The following WSB2 variants were observed in gnomAD, a reference collection of about 807,000 sequenced individuals.
WSB2 encodes the protein WD repeat and SOCS box containing 2, also known as WD repeat and SOCS box-containing protein 2.
WSB2 carries 12 observed loss-of-function variants against 48.8 expected under a neutral mutation model. That is an observed-to-expected ratio of 0.25 (90% CI 0.16 to 0.40). The LOEUF (loss-of-function observed/expected upper bound fraction) is 0.40. Ranked by LOEUF, WSB2 falls within the 10% of genes least tolerant of loss-of-function variation. The pLI, the probability that WSB2 is intolerant of heterozygous loss-of-function variation, is 1.00. For missense variants in WSB2, 317 were observed against 506.2 expected, an observed-to-expected ratio of 0.63 and a Z score of 3.59; for synonymous variants, 191 against 203.1, an observed-to-expected ratio of 0.94 and a Z score of 0.51.
chr12:118,045,002 G>A (rs1309099327), intron 2 of WSB2, among the ~76,000 whole-genome samples: 2 of 152,206 alleles, frequency 1.3e-5, no homozygotes, highest in African/African-American at 4.8e-5. Flanking sequence ...CATTACTTTT[G>A]CACCAACCCA....
chr12:118,042,503 C>T (rs543632682), intron 4 of WSB2: 1 of 241,008 alleles, frequency 4.1e-6, no homozygotes, highest in East Asian at 1.1e-4. Flanking sequence ...CAAGAGGGTA[C>T]AAACTAGTTC....
chr12:118,043,246 G>T lies in WSB2; in HGVS notation c.314C>A (p.Pro105Gln). 3 of 1,614,238 alleles carry T rather than the reference G, an allele frequency of 1.9e-6. No individual in the cohort carries two copies. The highest frequency in any genetic ancestry group is 2.5e-6 in the Non-Finnish European group (3 of 1,180,028). The change falls in exon 3 of 9, where the codon CCA (proline) becomes CAA (glutamine). Residue 105 changes from proline (P) to glutamine (Q), a missense_variant. Physicochemically the swap from Pro to Gln is moderately conservative, Grantham distance 76. Around this residue, in one of 2 missense-constraint regions of WSB2, gnomAD observed 128 missense variants for 156.7 expected, o/e 0.82. Coordinates refer to ENST00000315436, the MANE Select transcript of WSB2 (RefSeq NM_018639.5). ...WGLAFSPWPS[P>Q]PSRKLWARHH... is the part of the protein sequence containing the mutation. ...GCGTGCCCAGAGCTTCCTGCTGGGT[G>T]GGGAAGGCCACGGGCTGAAGGCCAG...
chr12:118,046,589 G>A (rs941502822), intron 2 of WSB2, among the ~76,000 whole-genome samples: 13 of 151,940 alleles, frequency 8.6e-5, no homozygotes, highest in Admixed American at 2.0e-4. Context: ...CACTTCGATC[G>A]GCTGCCTCTC....
At chr12:118,052,580 C>T in intron 1 of WSB2, 102 bp from the exon 2 acceptor site, 1 of 1,538,574 alleles carries the variant, frequency 6.5e-7, no homozygotes, top group Non-Finnish European at 8.8e-7. Context: ...GCCACACTAT[C>T]CATTCCCAGA....
intron 1 of WSB2, among the ~76,000 whole-genome samples, chr12:118,058,295 T>C (rs1476198154): frequency 2.6e-5 from 4 of 152,098 alleles, no homozygotes; most frequent in African/African-American, 9.7e-5. Context: ...CATGTCACCT[T>C]CTCAGAGACC....
rs1439700535 is a variant in WSB2 at position 118,043,252 on chromosome 12, G to T, written c.308C>A (p.Pro103His). ...CCAGAGCTTCCTGCTGGGTGGGGAA[G>T]GCCACGGGCTGAAGGCCAGCCCCCA... ...IVWGLAFSPW[P>H]SPPSRKLWAR... Residue 103 changes from proline to histidine, a missense_variant, in exon 3 of 9, where the codon CCT (proline) becomes CAT (histidine). Pro to His is a moderately conservative substitution (Grantham distance 77). Around this residue, in one of 2 missense-constraint regions of WSB2, gnomAD observed 128 missense variants for 156.7 expected, o/e 0.82. Transcript: ENST00000315436. 6.2e-7 allele frequency: 1 copy of T among 1,614,118 alleles called. No individual in the cohort carries two copies. The highest frequency in any genetic ancestry group is 1.3e-5 in the African/African-American group (1 of 74,942).
At chr12:118,049,705 G>A (rs570746916) in intron 2 of WSB2, among the ~76,000 whole-genome samples, 1 of 152,142 alleles carries the variant, frequency 6.6e-6, no homozygotes, top group African/African-American at 2.4e-5. Context: ...GCCCAGCCCA[G>A]AAGAACATTT....
At chr12:118,058,562 G>A (rs762463125) in intron 1 of WSB2, among the ~76,000 whole-genome samples, 10 of 151,948 alleles carry the variant, frequency 6.6e-5, no homozygotes, top group Non-Finnish European at 1.2e-4. Flanking sequence ...ATGCTGCCTA[G>A]ACTGGTCTCA....
chr12:118,045,867 AC>A (rs1231477621), intron 2 of WSB2, among the ~76,000 whole-genome samples: 1 of 151,674 alleles, frequency 6.6e-6, no homozygotes, highest in African/African-American at 2.4e-5. Flanking sequence ...TCCCTCTCCC[AC>A]CCCCGGTAAC....
intron 2 of WSB2, among the ~76,000 whole-genome samples, chr12:118,047,259 T>A (rs1034410559): frequency 6.6e-6 from 1 of 152,138 alleles, no homozygotes; most frequent in Non-Finnish European, 1.5e-5. Flanking sequence ...GGAACTAAGG[T>A]CTTAGGTATC....
intron 2 of WSB2, among the ~76,000 whole-genome samples, chr12:118,049,398 T>C (rs1483082680): frequency 6.6e-6 from 1 of 151,960 alleles, no homozygotes; most frequent in Non-Finnish European, 1.5e-5. Flanking sequence ...GATGACACCA[T>C]TTCTGAGATT....
intron 2 of WSB2, among the ~76,000 whole-genome samples, chr12:118,051,740 G>A (rs1466130655): frequency 2.6e-5 from 4 of 152,342 alleles, no homozygotes; most frequent in South Asian, 4.1e-4. Context: ...TCGGGAGGCC[G>A]AGGTGGGTGA....
At position 118,033,543 on chromosome 12, in the gene WSB2, T is replaced by C. The variant is rs1295562239; in HGVS notation, c.*653A>G. ...TGTCATTTCCTGCACATGCACACCA[T>C]TGTTAAAAAAAAAAAAAAAAAGCCA... is the stretch of plus-strand genomic sequence containing the variant. On this transcript the variant is annotated 3_prime_UTR_variant, in exon 9 of 9. Transcript: ENST00000315436. 1 of 146,016 alleles carries C rather than the reference T, an allele frequency of 6.8e-6. No individual in the cohort carries two copies. Among genetic ancestry groups the C allele is most frequent in the Non-Finnish European group, 1.5e-5 (1 of 67,310 alleles). The allele number at this position is 146,016 out of a possible 1,614,324, so 9.0% of individuals were successfully genotyped here. A position where few individuals can be genotyped will look rare whatever the true frequency, so the allele number is the denominator to read the frequency against.
At chr12:118,051,295 T>C (rs2031847930) in intron 2 of WSB2, among the ~76,000 whole-genome samples, 1 of 152,120 alleles carries the variant, frequency 6.6e-6, no homozygotes, top group Non-Finnish European at 1.5e-5. Context: ...CCTCCTCAAA[T>C]AGTTAAACAT....
At chr12:118,052,536 A>C (rs995228362) in intron 1 of WSB2, 58 bp from the exon 2 acceptor site, 2 of 1,603,644 alleles carry the variant, frequency 1.2e-6, no homozygotes, top group Non-Finnish European at 8.5e-7. Flanking sequence ...GACCACCCAG[A>C]CACAGGAAAG....
intron 1 of WSB2, among the ~76,000 whole-genome samples, chr12:118,054,061 T>C (rs1232723530): frequency 6.6e-6 from 1 of 151,886 alleles, no homozygotes; most frequent in Non-Finnish European, 1.5e-5. Flanking sequence ...ATGGTAGAGA[T>C]GCATATGTGT....
intron 1 of WSB2, among the ~76,000 whole-genome samples, chr12:118,058,639 C>T (rs1426665336): frequency 6.6e-6 from 1 of 152,036 alleles, no homozygotes; most frequent in Non-Finnish European, 1.5e-5. Flanking sequence ...CGCCTGGCAC[C>T]ATTCACTTTC....
At chr12:118,052,734 C>A in intron 1 of WSB2, 1 of 529,410 alleles carries the variant, frequency 1.9e-6, no homozygotes, top group Non-Finnish European at 3.4e-6. Context: ...TGAATGGAGG[C>A]CTCATTTTCC....
In WSB2 at chr12:118,041,748, CTTTTTTT is replaced by C. The variant is rs150072011; in HGVS notation, c.559+1086_559+1092del. Among the ~76,000 whole-genome samples, 114 of 101,538 alleles carry C rather than the reference CTTTTTTT, an allele frequency of 1.1e-3. 3 individuals carry two copies. In the East Asian group the frequency reaches 0.029, roughly 26 times the overall value. The allele number at this position is 101,538 out of a possible 152,430, so 66.6% of individuals were successfully genotyped here. On this transcript the variant is annotated intron_variant, in intron 4 of 8. Coordinates refer to ENST00000315436, the MANE Select transcript of WSB2 (RefSeq NM_018639.5). Reference sequence around the variant, plus strand: ...CAATAAATTCCCCTCTCTTATGTCACTTTTTTTTTTTTTTTTTTTTTTTTGAGACAGA... The same window carrying C: ...CAATAAATTCCCCTCTCTTATGTCACTTTTTTTTTTTTTTTTTGAGACAGA...
Sources: allele counts gnomAD v4.1 joint callset (sites outside exome capture counted in the v4.1 genomes callset), GRCh38; gene constraint gnomAD v4.1.1; regional missense constraint gnomAD v4.1.1; transcripts MANE v1.5; gene names NCBI Gene and HGNC (gene_info 2026-07-23, HGNC 2026-07-21).